Variants in UBR3 observed in about 807,000 individuals in gnomAD.
UBR3 encodes E3 ubiquitin-protein ligase UBR3.
A neutral mutation model predicts 243.2 loss-of-function variants in UBR3; 85 were observed. The ratio of observed to expected loss-of-function variants is 0.35; its 90% confidence interval spans 0.29 to 0.42. UBR3 has a LOEUF of 0.42. Ranked by LOEUF, UBR3 falls within the 10% of genes least tolerant of loss-of-function variation. The pLI is 1.00. For missense variants in UBR3, 1,686 were observed against 2,300.8 expected (o/e 0.73, Z 5.47); for synonymous variants, 748 against 799.8 (o/e 0.94, Z 1.09).
At chr2:169,908,356 C>T (rs2085100564) in intron 10 of UBR3, among the ~76,000 whole-genome samples, 1 of 152,138 alleles carries the variant, frequency 6.6e-6, no homozygotes. Context: ...TTAAAAAATT[C>T]TCAAGACTCA....
At chr2:169,853,211 C>T (rs780303255) in intron 1 of UBR3, among the ~76,000 whole-genome samples, 1 of 152,006 alleles carries the variant, frequency 6.6e-6, no homozygotes, top group South Asian at 2.1e-4. Context: ...AGGATGGGAA[C>T]AGGTGAATAG....
rs1023508808 is a variant in UBR3 at position 170,007,102 on chromosome 2, A to G, written c.4142A>G (p.Asn1381Ser). ...TGTTATCCTGGAAGCAATGTGGAAA[A>G]TAACCCTTGGCAACGTCCTAGCAAC... ...LPCYPGSNVE[N>S]NPWQRPSNKS... The change falls in exon 28 of 39, where the codon AAT becomes AGT. Residue 1381 changes from asparagine (N) to serine (S), a missense_variant. Asn to Ser is a conservative substitution (Grantham distance 46). Coordinates refer to ENST00000272793, the MANE Select transcript of UBR3 (RefSeq NM_172070.4). 1 of 1,613,802 alleles carries G rather than the reference A, an allele frequency of 6.2e-7. No homozygotes were observed. The highest frequency in any genetic ancestry group is 8.5e-7 in the Non-Finnish European group (1 of 1,179,962).
At chr2:170,026,442 A>G (rs117754279) in intron 30 of UBR3, among the ~76,000 whole-genome samples, 3,493 of 152,254 alleles carry the variant, frequency 0.023, 54 homozygotes, top group East Asian at 0.043. Context: ...TTCTATGATT[A>G]TAACTATTAT....
At chr2:169,963,153 C>T (rs935574845) in intron 24 of UBR3, among the ~76,000 whole-genome samples, 4 of 152,198 alleles carry the variant, frequency 2.6e-5, no homozygotes, top group South Asian at 2.1e-4. Flanking sequence ...TGCCAAGCCC[C>T]CTGGATGCTC....
At chr2:169,918,370 C>T (rs1243227191) in intron 11 of UBR3, among the ~76,000 whole-genome samples, 1 of 149,694 alleles carries the variant, frequency 6.7e-6, no homozygotes, top group African/African-American at 2.5e-5. Context: ...ATAATATTAA[C>T]CAGTGAGGAT....
At chr2:169,899,664 T>C (rs1034819863) in intron 8 of UBR3, among the ~76,000 whole-genome samples, 1 of 151,634 alleles carries the variant, frequency 6.6e-6, no homozygotes, top group Non-Finnish European at 1.5e-5. Flanking sequence ...CCCCCGCCCC[T>C]TGCCCGGCCT....
intron 11 of UBR3, among the ~76,000 whole-genome samples, chr2:169,917,102 C>T (rs1233831424): frequency 6.6e-6 from 1 of 152,170 alleles, no homozygotes; most frequent in African/African-American, 2.4e-5. Flanking sequence ...CATTACCCCT[C>T]CCCCAACATT....
chr2:169,877,991 A>G (rs1389489857), intron 4 of UBR3, among the ~76,000 whole-genome samples: 4 of 152,232 alleles, frequency 2.6e-5, no homozygotes, highest in African/African-American at 9.6e-5. Context: ...CATTTGTAAT[A>G]ACTGTATTAA....
chr2:169,937,430 G>A (rs914809088), intron 19 of UBR3, among the ~76,000 whole-genome samples: 1 of 152,138 alleles, frequency 6.6e-6, no homozygotes, highest in Non-Finnish European at 1.5e-5. Context: ...TGAGTAGATT[G>A]CAAAAATTTT....
chr2:170,055,628 C>A (rs770151808), intron 33 of UBR3, 44 bp downstream of exon 33: 18 of 1,605,318 alleles, frequency 1.1e-5, no homozygotes, highest in South Asian at 4.4e-5. Context: ...TAGGTGAAGT[C>A]ATTTAAGCTG....
intron 1 of UBR3, among the ~76,000 whole-genome samples, chr2:169,867,249 A>G (rs982928483): frequency 7.2e-5 from 11 of 152,174 alleles, no homozygotes; most frequent in African/African-American, 2.4e-4. Flanking sequence ...CTTCTTATAT[A>G]TATTAACATT....
chr2:169,885,335 A>T (rs923775978), intron 5 of UBR3, among the ~76,000 whole-genome samples: 4 of 152,246 alleles, frequency 2.6e-5, no homozygotes, highest in Non-Finnish European at 5.9e-5. Flanking sequence ...TAATCCCAGC[A>T]CTTTGGGAGG....
At chr2:170,006,928 T>C (rs1188375380) in intron 27 of UBR3, 62 bp from the exon 28 acceptor site, 1 of 1,379,012 alleles carries the variant, frequency 7.3e-7, no homozygotes, top group Admixed American at 1.9e-5. Context: ...AAATGGGTGG[T>C]ATAATTTTTG....
intron 18 of UBR3, among the ~76,000 whole-genome samples, chr2:169,931,350 T>TAAAAAA (rs66951181): frequency 4.6e-5 from 4 of 87,562 alleles, no homozygotes; most frequent in Non-Finnish European, 6.4e-5. Flanking sequence ...GAATCTGTCT[T>TAAAAAA]AAAAAAAAAA....
intron 32 of UBR3, among the ~76,000 whole-genome samples, chr2:170,042,870 G>A (rs1474958046): frequency 6.6e-6 from 1 of 151,852 alleles, no homozygotes; most frequent in Admixed American, 6.6e-5. Flanking sequence ...GACTGTGTCT[G>A]CTAATTTAAT....
At chr2:169,986,563 G>T (rs1446141783) in intron 24 of UBR3, 82 bp from the exon 25 acceptor site, 8 of 1,396,066 alleles carry the variant, frequency 5.7e-6, no homozygotes, top group Non-Finnish European at 6.8e-6. Context: ...AAAATTGTTT[G>T]AACTTGATTT....
Position 170,073,534 on chromosome 2 carries a change from C to A in UBR3, c.5126C>A (p.Pro1709Gln). ...ISASCLDWPV[P>Q]AFDIITQWCF... ...GCCTCCTGTCTGGATTGGCCAGTTCCAGCATTTGATATTATAACTCAGTGG... is the reference window on the plus strand; with the variant it reads ...GCCTCCTGTCTGGATTGGCCAGTTCAAGCATTTGATATTATAACTCAGTGG... Residue 1709 changes from proline to glutamine, a missense_variant, in exon 36 of 39, where the codon CCA becomes CAA. Pro to Gln is a moderately conservative substitution (Grantham distance 76, BLOSUM62 -1). This residue lies in a region of UBR3 where 371 missense variants were observed against 422.5 expected (regional missense o/e 0.88). Transcript: ENST00000272793. The A allele has an allele frequency of 6.2e-7, 1 of 1,613,702 alleles. No homozygotes were observed. Among genetic ancestry groups the A allele is most frequent in the Non-Finnish European group, 8.5e-7 (1 of 1,179,748 alleles).
chr2:170,007,496 A>G (rs1212957283), intron 28 of UBR3, among the ~76,000 whole-genome samples: 1 of 152,150 alleles, frequency 6.6e-6, no homozygotes, highest in African/African-American at 2.4e-5. Flanking sequence ...GGTGGCTCAC[A>G]CCTGTAATCC....
chr2:169,948,541 G>T (rs1045169636), intron 22 of UBR3, among the ~76,000 whole-genome samples: 1 of 152,078 alleles, frequency 6.6e-6, no homozygotes, highest in Admixed American at 6.5e-5. Context: ...CTAGATTTTC[G>T]TGAGTAGAGA....
Sources: gnomAD v4.1 joint callset for allele counts (sites outside exome capture counted in the v4.1 genomes callset) on GRCh38, gnomAD v4.1.1 for gene constraint, gnomAD v4.1.1 regional missense constraint, MANE v1.5 for transcripts, NCBI Gene and HGNC (gene_info 2026-07-23, HGNC 2026-07-21) for gene names.